RAB38: variants seen among roughly 807,000 people sequenced by gnomAD.
RAB38 encodes ras-related protein Rab-38.
RAB38 carries 15 observed loss-of-function variants against 18.4 expected under a neutral mutation model. The observed-to-expected ratio is 0.82, with a 90% confidence interval of 0.55 to 1.26. The LOEUF (loss-of-function observed/expected upper bound fraction) is 1.26, where lower values mean the gene tolerates loss of function less well. RAB38 is among the 50% of genes most tolerant of loss of function. The pLI, the probability that RAB38 is intolerant of heterozygous loss-of-function variation, is 0.00. For missense variants in RAB38, 294 were observed against 267.4 expected (o/e 1.10, Z -0.69); for synonymous variants, 101 against 104.4 (o/e 0.97, Z 0.20).
the RAB38 span, among the ~76,000 whole-genome samples, chr11:87,832,858 C>T: frequency 3.3e-5 from 5 of 151,930 alleles, no homozygotes; most frequent in East Asian, 3.9e-4. Context: ...TGTAACGTAA[C>T]GTATCACAAG....
the RAB38 span, among the ~76,000 whole-genome samples, chr11:87,860,289 C>T: frequency 6.6e-6 from 1 of 151,706 alleles, no homozygotes; most frequent in Non-Finnish European, 1.5e-5. Flanking sequence ...ATTGTATTGG[C>T]TTAGGAAAAA....
At chr11:88,088,558 A>G in the RAB38 span, among the ~76,000 whole-genome samples, 1 of 151,914 alleles carries the variant, frequency 6.6e-6, no homozygotes, top group Non-Finnish European at 1.5e-5. Flanking sequence ...GGTAAGGGCA[A>G]TACTTTGATT....
chr11:88,085,096 A>G, the RAB38 span, among the ~76,000 whole-genome samples: 9 of 151,866 alleles, frequency 5.9e-5, no homozygotes, highest in Admixed American at 1.3e-4. Flanking sequence ...CCTAGGGATT[A>G]ATGGTTACTA....
At chr11:88,097,914 A>G in the RAB38 span, 1 of 151,948 alleles carries the variant, frequency 6.6e-6, no homozygotes, top group Non-Finnish European at 1.5e-5. Context: ...ATATTTACCA[A>G]TTTACAAGAG....
At chr11:88,039,123 G>A in the RAB38 span, among the ~76,000 whole-genome samples, 13 of 152,194 alleles carry the variant, frequency 8.5e-5, no homozygotes, top group South Asian at 2.1e-4. Flanking sequence ...TTTGTTTGTC[G>A]TGTTCCTTTG....
the RAB38 span, among the ~76,000 whole-genome samples, chr11:87,920,390 G>A: frequency 6.6e-6 from 1 of 151,746 alleles, no homozygotes; most frequent in African/African-American, 2.4e-5. Context: ...TTTATTCATT[G>A]ACCAATTGGT....
the RAB38 span, among the ~76,000 whole-genome samples, chr11:87,978,184 T>C: frequency 0.27 from 3,105 of 11,496 alleles, 670 homozygotes; most frequent in Non-Finnish European, 0.32. Flanking sequence ...ATATACATCA[T>C]ATATAAATAT....
the RAB38 span, among the ~76,000 whole-genome samples, chr11:88,019,490 T>C: frequency 3.3e-5 from 5 of 152,170 alleles, no homozygotes; most frequent in East Asian, 1.9e-4. Flanking sequence ...GTTTCCACCT[T>C]TTCTCCTTAA....
At chr11:88,136,244 T>C (rs1437067570) in intron 2 of RAB38, among the ~76,000 whole-genome samples, 3 of 152,050 alleles carry the variant, frequency 2.0e-5, no homozygotes, top group African/African-American at 7.2e-5. Flanking sequence ...ATATTGATTT[T>C]CCCCCCAGTC....
intron 2 of RAB38, among the ~76,000 whole-genome samples, chr11:88,129,270 C>A (rs1942739891): frequency 6.6e-6 from 1 of 151,896 alleles, no homozygotes; most frequent in Non-Finnish European, 1.5e-5. Flanking sequence ...AAGAAAGGCA[C>A]CTCTCACCAG....
At chr11:88,007,301 A>C in the RAB38 span, among the ~76,000 whole-genome samples, 22 of 152,010 alleles carry the variant, frequency 1.4e-4, no homozygotes, top group East Asian at 3.5e-3. Context: ...ATTCTGTCAT[A>C]ATTTAAAACT....
chr11:88,029,045 A>G, the RAB38 span, among the ~76,000 whole-genome samples: 4 of 152,184 alleles, frequency 2.6e-5, no homozygotes, highest in African/African-American at 4.8e-5. Flanking sequence ...CAGAAACTCT[A>G]CAAGCCAGAA....
chr11:87,808,548 C>T, the RAB38 span, among the ~76,000 whole-genome samples: 6 of 152,050 alleles, frequency 3.9e-5, no homozygotes, highest in Non-Finnish European at 5.9e-5. Context: ...ACGTGATGGT[C>T]ATTAAGGGAG....
the RAB38 span, among the ~76,000 whole-genome samples, chr11:87,940,938 G>T: frequency 6.6e-6 from 1 of 151,494 alleles, no homozygotes; most frequent in Non-Finnish European, 1.5e-5. Flanking sequence ...AGCCCAGAAG[G>T]GTTATACATA....
the RAB38 span, among the ~76,000 whole-genome samples, chr11:87,850,566 G>T: frequency 6.6e-6 from 1 of 152,016 alleles, no homozygotes; most frequent in Non-Finnish European, 1.5e-5. Context: ...GTTGGCTCAT[G>T]GTTTTATTCA....
At chr11:87,925,934 C>T in the RAB38 span, among the ~76,000 whole-genome samples, 23 of 151,958 alleles carry the variant, frequency 1.5e-4, no homozygotes, top group South Asian at 4.2e-4. Flanking sequence ...TGCCACGCTA[C>T]GATCAGGAAG....
the RAB38 span, among the ~76,000 whole-genome samples, chr11:87,868,578 GGAGAGAGAGAGAGAGAGA>G: frequency 1.2e-4 from 7 of 59,190 alleles, no homozygotes; most frequent in Admixed American, 3.4e-4. Flanking sequence ...AAGGAGTGAG[GGAGAGAGAGAGAGAGAGA>G]GAGAGAGAGA....
chr11:88,065,318 T>C, the RAB38 span, among the ~76,000 whole-genome samples: 1 of 152,240 alleles, frequency 6.6e-6, no homozygotes, highest in African/African-American at 2.4e-5. Flanking sequence ...CATCCTGGCA[T>C]CTAATATTCC....
At chr11:87,934,498 C>A in the RAB38 span, among the ~76,000 whole-genome samples, 2 of 152,048 alleles carry the variant, frequency 1.3e-5, no homozygotes, top group African/African-American at 2.4e-5. Flanking sequence ...AAAAAGTTGA[C>A]CCAGTTGAAT....
Sources: allele counts gnomAD v4.1 joint callset (sites outside exome capture counted in the v4.1 genomes callset), GRCh38; gene constraint gnomAD v4.1.1; transcripts MANE v1.5; gene names NCBI Gene and HGNC (gene_info 2026-07-23, HGNC 2026-07-21).